PNPT1: variants seen among roughly 807,000 people sequenced by gnomAD.
PNPT1 encodes polyribonucleotide nucleotidyltransferase 1, mitochondrial.
Under a neutral mutation model 119.5 loss-of-function variants are expected in PNPT1, and 53 were observed. The observed-to-expected ratio is 0.44, with a 90% CI of 0.36 to 0.56. The LOEUF is 0.56. Ranked by LOEUF, PNPT1 falls within the 20% of genes least tolerant of loss-of-function variation. The pLI is 0.00. For missense variants in PNPT1, 948 were observed against 938.5 expected, an observed-to-expected ratio of 1.01 and a Z score of -0.13; for synonymous variants, 357 against 322.1, an observed-to-expected ratio of 1.11 and a Z score of -1.16.
intron 18 of PNPT1, among the ~76,000 whole-genome samples, chr2:55,648,762 T>C (rs1696081566): frequency 1.3e-5 from 2 of 152,136 alleles, no homozygotes; most frequent in African/African-American, 4.8e-5. Context: ...AAATAAAATA[T>C]TTTATTTCCT....
At chr2:55,684,022 A>G (rs988715471) in intron 4 of PNPT1, among the ~76,000 whole-genome samples, 188 bp from the exon 5 acceptor site, 1 of 152,206 alleles carries the variant, frequency 6.6e-6, no homozygotes, top group African/African-American at 2.4e-5. Flanking sequence ...AACAACAAAA[A>G]ACAAACACAG....
At chr2:55,692,990 C>T in intron 1 of PNPT1, among the ~76,000 whole-genome samples, 1 of 152,118 alleles carries the variant, frequency 6.6e-6, no homozygotes, top group East Asian at 1.9e-4. Context: ...TCCCCTGCCT[C>T]CCTCTTGGTC....
chr2:55,655,798 A>C (rs1696365916), intron 17 of PNPT1, among the ~76,000 whole-genome samples: 1 of 152,192 alleles, frequency 6.6e-6, no homozygotes, highest in Admixed American at 6.5e-5. Flanking sequence ...TGGATATGTG[A>C]CAGGTATCTC....
At position 55,658,491 on chromosome 2, in the gene PNPT1, G is replaced by A. The variant is rs148047651; in HGVS notation, c.1284+1666C>T. On this transcript the variant is annotated intron_variant, in intron 15 of 27. Coordinates refer to ENST00000447944, the MANE Select transcript of PNPT1 (RefSeq NM_033109.5). ...TATTTGCCTTATAAAAATGTATTAA[G>A]CCATCCTTTGTTTTATACAGTTTTC... is the stretch of plus-strand genomic sequence containing the variant. 3.1e-3 allele frequency among the ~76,000 whole-genome samples: 475 copies of A among 152,164 alleles called. 2 individuals carry two copies. The highest frequency in any genetic ancestry group is 5.7e-3 in the Non-Finnish European group (387 of 67,998).
At chr2:55,674,663 T>A (rs1697010585) in intron 8 of PNPT1, among the ~76,000 whole-genome samples, 1 of 152,144 alleles carries the variant, frequency 6.6e-6, no homozygotes, top group Non-Finnish European at 1.5e-5. Flanking sequence ...CCTCTTGAGT[T>A]TTCTAAATTA....
intron 3 of PNPT1, among the ~76,000 whole-genome samples, chr2:55,685,844 T>C (rs924288558): frequency 6.6e-6 from 1 of 152,228 alleles, no homozygotes; most frequent in African/African-American, 2.4e-5. Context: ...GTATATCCTC[T>C]CATATACTTT....
At chr2:55,668,049 C>T (rs1003097253) in intron 11 of PNPT1, 91 bp from the exon 12 acceptor site, 11 of 1,095,386 alleles carry the variant, frequency 1.0e-5, no homozygotes, top group East Asian at 2.7e-5. Context: ...CAACTAACTA[C>T]GGGAATCAAC....
chr2:55,670,403 G>A (rs914676182), intron 11 of PNPT1, among the ~76,000 whole-genome samples: 1 of 151,290 alleles, frequency 6.6e-6, no homozygotes, highest in Non-Finnish European at 1.5e-5. Context: ...AGCCAGGATG[G>A]TCTCGATCTC....
intron 15 of PNPT1, 117 bp from the exon 16 acceptor site, chr2:55,656,488 A>T (rs1256550256): frequency 1.1e-6 from 1 of 893,380 alleles, no homozygotes; most frequent in Non-Finnish European, 1.7e-6. Flanking sequence ...TTTGTTTTTT[A>T]AAAAAGTACA....
At chr2:55,674,752 T>C (rs756420484) in intron 8 of PNPT1, among the ~76,000 whole-genome samples, 5 of 152,150 alleles carry the variant, frequency 3.3e-5, no homozygotes, top group Non-Finnish European at 5.9e-5. Context: ...TGATAACAAT[T>C]GCATTCCAAA....
At chr2:55,651,076 G>T (rs1488593790) in intron 18 of PNPT1, among the ~76,000 whole-genome samples, 1 of 145,968 alleles carries the variant, frequency 6.9e-6, no homozygotes, top group African/African-American at 2.5e-5. Flanking sequence ...GGAGGTGGGG[G>T]GGTCAGCCCC....
At chr2:55,648,937 AT>A (rs1177920525) in intron 18 of PNPT1, among the ~76,000 whole-genome samples, 1 of 152,150 alleles carries the variant, frequency 6.6e-6, no homozygotes, top group African/African-American at 2.4e-5. Flanking sequence ...ATCACTTGGA[AT>A]TTACTTTGGT....
chr2:55,663,771 G>A (rs1251221890), intron 13 of PNPT1, among the ~76,000 whole-genome samples: 3 of 152,022 alleles, frequency 2.0e-5, no homozygotes, highest in Admixed American at 6.6e-5. Flanking sequence ...GAGGTCAGGA[G>A]ATAGAGACCA....
At position 55,638,100 on chromosome 2, in the gene PNPT1, G is replaced by A. The variant is rs7607149; in HGVS notation, c.2149-501C>T. ...GCAGATCACTTGAGCTCCGGAGTTC[G>A]AAACCAGTCTGACCAACATGGTGAA... On this transcript the variant is annotated intron_variant, in intron 26 of 27. Coordinates refer to ENST00000447944, the MANE Select transcript of PNPT1 (RefSeq NM_033109.5). Among the ~76,000 whole-genome samples, 1,074 of 150,930 alleles carry A rather than the reference G, an allele frequency of 7.1e-3. 10 individuals are homozygous for A. The highest frequency in any genetic ancestry group is 0.019 in the South Asian group (90 of 4,786).
chr2:55,681,166 G>A (rs1221423798), intron 5 of PNPT1, among the ~76,000 whole-genome samples: 2 of 152,120 alleles, frequency 1.3e-5, no homozygotes, highest in African/African-American at 2.4e-5. Flanking sequence ...CAGCACTTTG[G>A]GAGGCTGAGG....
intron 18 of PNPT1, among the ~76,000 whole-genome samples, chr2:55,651,349 A>G (rs1696192520): frequency 6.6e-6 from 1 of 152,072 alleles, no homozygotes. Flanking sequence ...AAAGGTGGGG[A>G]AAAGATTGAG....
intron 8 of PNPT1, among the ~76,000 whole-genome samples, chr2:55,678,306 G>A (rs1017811452): frequency 1.3e-5 from 2 of 152,060 alleles, no homozygotes; most frequent in African/African-American, 4.8e-5. Flanking sequence ...CCATTCTTTG[G>A]AATATCCTCT....
At chr2:55,669,915 T>C (rs1293917580) in intron 11 of PNPT1, among the ~76,000 whole-genome samples, 1 of 151,482 alleles carries the variant, frequency 6.6e-6, no homozygotes, top group Non-Finnish European at 1.5e-5. Flanking sequence ...CCTGCCACCA[T>C]GCCCGCCTAA....
At chr2:55,644,926 A>G (rs1264772056) in intron 22 of PNPT1, 4 of 411,686 alleles carry the variant, frequency 9.7e-6, no homozygotes, top group African/African-American at 2.0e-5. Flanking sequence ...CTACAAAAGT[A>G]TTTAAAATAT....
Sources: gnomAD v4.1 joint callset for allele counts (sites outside exome capture counted in the v4.1 genomes callset) on GRCh38, gnomAD v4.1.1 for gene constraint, MANE v1.5 for transcripts, NCBI Gene and HGNC (gene_info 2026-07-23, HGNC 2026-07-21) for gene names.